Variants in MACO1 observed in about 807,000 individuals in gnomAD.
MACO1 encodes the protein macoilin 1.
MACO1 carries 14 observed loss-of-function variants against 78.7 expected under a neutral mutation model. The observed-to-expected ratio is 0.18, with a 90% CI of 0.12 to 0.28. The LOEUF is 0.28. Among genes scored for constraint, MACO1 ranks in the 10% least tolerant of loss-of-function variants. The probability of loss-of-function intolerance (pLI) is 1.00; values close to 1 mark genes in which losing one functional copy is unlikely to be tolerated. For synonymous variants in MACO1, 288 were observed against 291.6 expected (o/e 0.99, Z 0.12); for missense variants, 501 against 799.0 (o/e 0.63, Z 4.50).
chr1:25,453,391 C>G (rs1571960481), intron 3 of MACO1, among the ~76,000 whole-genome samples: 1 of 149,918 alleles, frequency 6.7e-6, no homozygotes, highest in East Asian at 2.0e-4. Context: ...GGGCCGGGCA[C>G]GGTGGCTCAC....
At chr1:25,470,005 C>T (rs545820958) in intron 6 of MACO1, among the ~76,000 whole-genome samples, 5 of 152,114 alleles carry the variant, frequency 3.3e-5, no homozygotes, top group Admixed American at 1.3e-4. Context: ...TTTTAGGGTA[C>T]TTATTTTTTG....
chr1:25,452,753 G>C (rs1193471089), intron 3 of MACO1, among the ~76,000 whole-genome samples: 9 of 146,154 alleles, frequency 6.2e-5, no homozygotes, highest in Non-Finnish European at 1.3e-4. Flanking sequence ...CTTGAGTGCA[G>C]TGGCGCAATC....
chr1:25,458,747 A>C lies in MACO1; in HGVS notation c.1009A>C (p.Ser337Arg). ...GVVNSSPRSH[S>R]ATNGSIPSSS... Reference sequence around the variant, plus strand: ...TGTGAACTCTTCACCTCGAAGTCATAGCGCCACAAATGGGAGCATTCCTTC... The same window carrying C: ...TGTGAACTCTTCACCTCGAAGTCATCGCGCCACAAATGGGAGCATTCCTTC... The change falls in exon 6 of 11, where the codon AGC becomes CGC. Residue 337 changes from serine (S) to arginine (R), a missense_variant. Around this residue, in one of 5 missense-constraint regions of MACO1, gnomAD observed 163 missense variants for 271.9 expected, o/e 0.60. Transcript: ENST00000374343. The C allele has an allele frequency of 6.2e-7, 1 of 1,614,222 alleles. No homozygotes were observed.
At chr1:25,454,805 A>G (rs1038199028) in intron 4 of MACO1, among the ~76,000 whole-genome samples, 7 of 152,004 alleles carry the variant, frequency 4.6e-5, no homozygotes, top group Admixed American at 4.6e-4. Context: ...TTCTTTGTCT[A>G]TAATTCATTT....
Position 25,485,372 on chromosome 1 carries a change from C to T in MACO1, c.1314-241C>T, listed in dbSNP as rs2043420419. On this transcript the variant is annotated intron_variant, in intron 7 of 10. Transcript: ENST00000374343. The surrounding 1 kb of genome is among the most constrained non-coding windows in gnomAD (Gnocchi z 4.3). Reference sequence around the variant, plus strand: ...TGGATGACCTTTTGTAGATCACTTACTTGAACAGAGCAGAGGCTAGGTCTT... The same window carrying T: ...TGGATGACCTTTTGTAGATCACTTATTTGAACAGAGCAGAGGCTAGGTCTT... 6.6e-6 allele frequency among the ~76,000 whole-genome samples: 1 copy of T among 152,132 alleles called. No individual in the cohort carries two copies. Among genetic ancestry groups the T allele is most frequent in the Non-Finnish European group, 1.5e-5 (1 of 68,028 alleles).
chr1:25,492,491 G>T (rs1045437944), intron 10 of MACO1, among the ~76,000 whole-genome samples: 1 of 152,074 alleles, frequency 6.6e-6, no homozygotes, highest in South Asian at 2.1e-4. Context: ...TTCCGGGGAG[G>T]GGGCAGCAAG....
chr1:25,467,056 T>G (rs2043225579), intron 6 of MACO1, among the ~76,000 whole-genome samples: 1 of 152,028 alleles, frequency 6.6e-6, no homozygotes, highest in Non-Finnish European at 1.5e-5. Flanking sequence ...GTCAGGAGTT[T>G]GAGACCAGCC....
chr1:25,462,831 C>T (rs2043183692), intron 6 of MACO1, among the ~76,000 whole-genome samples: 1 of 59,372 alleles, frequency 1.7e-5, no homozygotes, highest in Non-Finnish European at 4.5e-5. Flanking sequence ...TCTCTCAGCT[C>T]CAGGGATATT....
At chr1:25,491,624 TAATGCACAGG>T in intron 10 of MACO1, 40 bp downstream of exon 10, 1 of 1,586,426 alleles carries the variant, frequency 6.3e-7, no homozygotes, top group Non-Finnish European at 8.7e-7. Flanking sequence ...GTGTGACTGA[TAATGCACAGG>T]GATGCACAGG....
intron 4 of MACO1, among the ~76,000 whole-genome samples, chr1:25,456,219 C>T (rs1488312944): frequency 1.3e-5 from 2 of 150,634 alleles, no homozygotes. Context: ...GATCACACCA[C>T]TGCACTCCAG....
chr1:25,478,484 A>G (rs1344719309), intron 6 of MACO1, among the ~76,000 whole-genome samples: 1 of 152,090 alleles, frequency 6.6e-6, no homozygotes, highest in Non-Finnish European at 1.5e-5. Flanking sequence ...GATTAGGGAG[A>G]AGGTGAGATA....
At chr1:25,462,987 A>G (rs2043185004) in intron 6 of MACO1, among the ~76,000 whole-genome samples, 2 of 152,200 alleles carry the variant, frequency 1.3e-5, no homozygotes, top group South Asian at 4.1e-4. Context: ...TTCGTGCTAC[A>G]GTGGCAGGGC....
At chr1:25,455,573 T>G (rs1204530693) in intron 4 of MACO1, among the ~76,000 whole-genome samples, 1 of 152,192 alleles carries the variant, frequency 6.6e-6, no homozygotes, top group Non-Finnish European at 1.5e-5. Context: ...TTATATGGGC[T>G]TGACAGTGTT....
chr1:25,433,568 C>G (rs940318711), intron 1 of MACO1, among the ~76,000 whole-genome samples: 3 of 152,112 alleles, frequency 2.0e-5, no homozygotes, highest in African/African-American at 4.8e-5. Context: ...CATAGCCAAA[C>G]CTTTCATGGA....
intron 6 of MACO1, among the ~76,000 whole-genome samples, chr1:25,465,972 A>G (rs1017477830): frequency 1.3e-5 from 2 of 152,236 alleles, no homozygotes; most frequent in African/African-American, 2.4e-5. Flanking sequence ...ACAATATTCC[A>G]TTGTGTATGT....
chr1:25,475,980 T>G (rs2043319055), intron 6 of MACO1, among the ~76,000 whole-genome samples: 1 of 152,234 alleles, frequency 6.6e-6, no homozygotes, highest in Non-Finnish European at 1.5e-5. Context: ...TGTACTGTAA[T>G]TTAGCCACCC....
intron 6 of MACO1, among the ~76,000 whole-genome samples, chr1:25,460,804 T>G (rs571008026): frequency 5.3e-5 from 8 of 152,212 alleles, no homozygotes; most frequent in South Asian, 2.1e-4. Context: ...GTATGCTGCT[T>G]CTTGTGGTCA....
intron 1 of MACO1, among the ~76,000 whole-genome samples, chr1:25,442,211 G>A (rs1179907598): frequency 6.6e-6 from 1 of 152,232 alleles, no homozygotes; most frequent in Admixed American, 6.5e-5. Context: ...TTCAGGTAGA[G>A]TACAAGCCAG....
chr1:25,441,477 TC>T (rs1422731323), intron 1 of MACO1, among the ~76,000 whole-genome samples: 1 of 152,138 alleles, frequency 6.6e-6, no homozygotes, highest in Admixed American at 6.5e-5. Flanking sequence ...GAGCCACTGC[TC>T]CCGGCCTCAA....
Sources: gnomAD v4.1 joint callset for allele counts (sites outside exome capture counted in the v4.1 genomes callset) on GRCh38, gnomAD v4.1.1 for gene constraint, gnomAD v4.1.1 regional missense constraint, Gnocchi (gnomAD v3.1) non-coding constraint, MANE v1.5 for transcripts, NCBI Gene and HGNC (gene_info 2026-07-23, HGNC 2026-07-21) for gene names.